The following SMC1A variants were observed in gnomAD, a reference collection of about 807,000 sequenced individuals.
SMC1A encodes the protein structural maintenance of chromosomes 1A, also known as structural maintenance of chromosomes protein 1A.
SMC1A carries 4 observed loss-of-function variants against 94.5 expected under a neutral mutation model. The observed-to-expected ratio is 0.04, with a 90% confidence interval of 0.02 to 0.10. The LOEUF is 0.10. SMC1A is among the 10% of genes least tolerant of loss of function. The pLI is 1.00. For synonymous variants in SMC1A, 345 were observed against 347.7 expected, an observed-to-expected ratio of 0.99 and a Z score of 0.09; for missense variants, 304 against 989.0, an observed-to-expected ratio of 0.31 and a Z score of 9.29.
chrX:53,394,438 C>A (rs1227739128), intron 19 of SMC1A, among the ~76,000 whole-genome samples: 1 of 111,047 alleles, frequency 9.0e-6, no homozygotes, highest in African/African-American at 3.3e-5. Context: ...CCCTGAGGAA[C>A]ACCTGAGGTC....
intron 16 of SMC1A, 22 bp from the exon 17 acceptor site, chrX:53,396,639 G>A: frequency 8.3e-7 from 1 of 1,200,604 alleles, no homozygotes; most frequent in Non-Finnish European, 1.1e-6. Context: ...AGTGGGAACA[G>A]GACAATAGGT....
At position 53,394,802 on chromosome X, in the gene SMC1A, G is replaced by A. The variant is rs1390804289; in HGVS notation, c.2949C>T (p.Tyr983=). 1.2e-5 allele frequency: 12 copies of A among 994,924 alleles called. No homozygotes were observed. Among genetic ancestry groups the A allele is most frequent in the African/African-American group, 2.4e-5 (1 of 41,336 alleles). The allele number at this position is 994,924 out of a possible 1,213,427, so 82.0% of individuals were successfully genotyped here. The change falls in exon 19 of 25, where the codon TAC becomes TAT. Residue 983 remains tyrosine (Y), a synonymous_variant. Transcript: ENST00000322213. Reference sequence around the variant, plus strand: ...CCTTCAGATCCTCACACAGATCACCGTAGTCAATCTCAATGAGGGCCTCTC... The same window carrying A: ...CCTTCAGATCCTCACACAGATCACCATAGTCAATCTCAATGAGGGCCTCTC... ...YAREALIEID[Y]GDLCEDLKDA...
rs2075563659 is a variant in SMC1A, at chrX:53,377,356, A to T, written c.*2747T>A. On this transcript the variant is annotated 3_prime_UTR_variant, in exon 25 of 25. Transcript: ENST00000322213. ...GAGGTAGGGGTTAGTTATCTGGGTT[A>T]TTATCCATGCTGGCTGAATCAGATT... is the stretch of plus-strand genomic sequence containing the variant. The T allele has an allele frequency of 8.9e-6, 1 of 111,869 alleles. No homozygotes were observed. Among genetic ancestry groups the T allele is most frequent in the Non-Finnish European group, 1.9e-5 (1 of 53,103 alleles). 9.2% of individuals were successfully genotyped at this position (111,869 alleles called of 1,213,427 possible).
intron 7 of SMC1A, among the ~76,000 whole-genome samples, chrX:53,409,850 A>C (rs1041311502): frequency 1.8e-5 from 2 of 111,976 alleles, no homozygotes; most frequent in Non-Finnish European, 3.8e-5. Flanking sequence ...ACTGCATAGA[A>C]TACACATTAA....
intron 24 of SMC1A, 29 bp downstream of exon 24, chrX:53,380,591 G>A: frequency 1.0e-6 from 1 of 962,105 alleles, no homozygotes; most frequent in Non-Finnish European, 1.5e-6. Context: ...CAGGGAGTAG[G>A]ACTGGCTCCT....
intron 18 of SMC1A, 79 bp downstream of exon 18, chrX:53,396,148 C>A (rs1321600101): frequency 9.4e-7 from 1 of 1,060,194 alleles, no homozygotes; most frequent in African/African-American, 1.8e-5. Flanking sequence ...TCTCTCACTG[C>A]CCTTCCTGGT....
intron 16 of SMC1A, 52 bp downstream of exon 16, chrX:53,399,537 C>T (rs1463979945): frequency 4.6e-5 from 51 of 1,107,879 alleles, no homozygotes; most frequent in Non-Finnish European, 6.2e-5. Flanking sequence ...CGTATTTCTT[C>T]CCATTTTTCC....
chrX:53,382,333 G>A lies in SMC1A; in HGVS notation c.3336C>T (p.Asn1112=). 8.3e-7 allele frequency: 1 copy of A among 1,211,147 alleles called. No individual in the cohort carries two copies. The highest frequency in any genetic ancestry group is 3.0e-5 in the East Asian group (1 of 33,834). ...NPEEPYLDGI[N]YNCVAPGKRF... Reference sequence around the variant, plus strand: ...GTTTCCCAGGAGCCACACAGTTGTAGTTGATGCCATCCAAGTAGGGCTCTT... The same window carrying A: ...GTTTCCCAGGAGCCACACAGTTGTAATTGATGCCATCCAAGTAGGGCTCTT... The change falls in exon 22 of 25, where the codon AAC becomes AAT. Residue 1112 remains asparagine (N), a synonymous_variant. Transcript: ENST00000322213.
chrX:53,418,934 G>A (rs782587975), intron 1 of SMC1A, among the ~76,000 whole-genome samples: 3 of 107,347 alleles, frequency 2.8e-5, no homozygotes, highest in East Asian at 3.0e-4. Flanking sequence ...CCAGCTACTC[G>A]GGAGGCTGAG....
chrX:53,419,196 A>G (rs1264009), intron 1 of SMC1A, among the ~76,000 whole-genome samples: 47,429 of 109,050 alleles, frequency 0.43, 9,298 homozygotes, highest in Non-Finnish European at 0.59. Flanking sequence ...CTCAGCCATA[A>G]AAACAGCAGC....
At chrX:53,383,853 A>G (rs1469887011) in intron 19 of SMC1A, among the ~76,000 whole-genome samples, 1 of 111,842 alleles carries the variant, frequency 8.9e-6, no homozygotes, top group Non-Finnish European at 1.9e-5. Context: ...GTGCTCACAG[A>G]GCTCAGGGGT....
Position 53,422,476 on chromosome X carries a change from G to A in SMC1A, c.109+16C>T. 9.1e-7 allele frequency: 1 copy of A among 1,098,317 alleles called. No homozygotes were observed. 90.5% of individuals were successfully genotyped at this position (1,098,317 alleles called of 1,213,427 possible). The stretch of plus-strand genomic sequence containing the variant: ...AGGCCGGGACGTGCGCAGGGCCGCG[G>A]CCAGGTTTATCTCACCAGAGCCATT... On this transcript the variant is annotated intron_variant, in intron 1 of 24. Transcript: ENST00000322213.
chrX:53,389,403 G>A (rs1041267838), intron 19 of SMC1A, among the ~76,000 whole-genome samples: 4 of 111,249 alleles, frequency 3.6e-5, no homozygotes, highest in Non-Finnish European at 5.7e-5. Flanking sequence ...GTGTGTGTTT[G>A]CGTGTGACCA....
intron 23 of SMC1A, 108 bp from the exon 24 acceptor site, chrX:53,380,838 G>A: frequency 1.5e-6 from 1 of 658,114 alleles, no homozygotes; most frequent in Middle Eastern, 3.0e-4. Context: ...AGAGGAAGGT[G>A]GGGAAAAGAG....
chrX:53,408,619 C>T (rs1012243268), intron 9 of SMC1A, among the ~76,000 whole-genome samples: 2 of 110,859 alleles, frequency 1.8e-5, no homozygotes, highest in African/African-American at 3.3e-5. Context: ...CTAAAAGCTA[C>T]TGGACCAGTT....
At chrX:53,398,387 G>A (rs1365155805) in intron 16 of SMC1A, among the ~76,000 whole-genome samples, 3 of 110,568 alleles carry the variant, frequency 2.7e-5, no homozygotes, top group African/African-American at 6.6e-5. Flanking sequence ...GAAAGGGTGT[G>A]AGAAAATTGA....
rs1245398884 is a variant in SMC1A at position 53,376,111 on chromosome X, G to A, written c.*3992C>T. The A allele has an allele frequency of 1.8e-5, 2 of 112,552 alleles. No homozygotes were observed. The highest frequency in any genetic ancestry group is 3.8e-5 in the Non-Finnish European group (2 of 53,253). 9.3% of individuals were successfully genotyped at this position (112,552 alleles called of 1,213,427 possible). On this transcript the variant is annotated 3_prime_UTR_variant, in exon 25 of 25. Coordinates refer to ENST00000322213, the MANE Select transcript of SMC1A (RefSeq NM_006306.4). The stretch of plus-strand genomic sequence containing the variant: ...CCTTGTGGTGCCTAAAGCTTATTCA[G>A]AGACAAAATAAGCAAATATAGTAGT...
intron 22 of SMC1A, among the ~76,000 whole-genome samples, chrX:53,381,301 C>T (rs2075582050): frequency 8.9e-6 from 1 of 112,084 alleles, no homozygotes; most frequent in African/African-American, 3.2e-5. Flanking sequence ...CAGGTTCCTA[C>T]AGAACCACAA....
At chrX:53,389,132 G>C (rs1455678453) in intron 19 of SMC1A, among the ~76,000 whole-genome samples, 1 of 73,822 alleles carries the variant, frequency 1.4e-5, no homozygotes, top group African/African-American at 5.1e-5. Context: ...TTTTTTTTTT[G>C]GTCGGGGGGG....
Sources: allele counts gnomAD v4.1 joint callset (sites outside exome capture counted in the v4.1 genomes callset), GRCh38; gene constraint gnomAD v4.1.1; transcripts MANE v1.5; gene names NCBI Gene and HGNC (gene_info 2026-07-23, HGNC 2026-07-21).